Variants in PTPRD observed in about 807,000 individuals in gnomAD.
PTPRD encodes protein tyrosine phosphatase receptor type D.
In PTPRD, 34 loss-of-function variants were observed where a neutral mutation model predicts 214.5. The observed-to-expected ratio is 0.16, with a 90% CI of 0.12 to 0.21. The LOEUF (loss-of-function observed/expected upper bound fraction) is 0.21. Among genes scored for constraint, PTPRD ranks in the 10% least tolerant of loss-of-function variants. The probability of loss-of-function intolerance (pLI) is 1.00; values close to 1 mark genes in which losing one functional copy is unlikely to be tolerated. For synonymous variants in PTPRD, 1,128 were observed against 845.7 expected (o/e 1.33, Z -5.79); for missense variants, 2,545 against 2,398.7 (o/e 1.06, Z -1.27).
intron 6 of PTPRD, among the ~76,000 whole-genome samples, chr9:9,758,622 G>C (rs1007149868): frequency 6.6e-6 from 1 of 152,048 alleles, no homozygotes; most frequent in Non-Finnish European, 1.5e-5. Flanking sequence ...GTTACATATG[G>C]AAGGACTGTG....
intron 10 of PTPRD, among the ~76,000 whole-genome samples, chr9:9,042,614 CTTTTCTTTTTTTTT>C (rs1226502497): frequency 8.9e-6 from 1 of 112,476 alleles, no homozygotes; most frequent in Non-Finnish European, 1.8e-5. Flanking sequence ...TCTTTTTTTT[CTTTTCTTTTTTTTT>C]TTTTTTGGTC....
intron 11 of PTPRD, among the ~76,000 whole-genome samples, chr9:8,825,972 T>C (rs34526017): frequency 1.3e-5 from 2 of 152,202 alleles, no homozygotes; most frequent in Non-Finnish European, 2.9e-5. Context: ...CTGTATTTTG[T>C]ACTGACCTTT....
At chr9:9,738,648 G>T (rs2098344001) in intron 6 of PTPRD, among the ~76,000 whole-genome samples, 1 of 151,726 alleles carries the variant, frequency 6.6e-6, no homozygotes, top group African/African-American at 2.4e-5. Flanking sequence ...CACCATGTTG[G>T]CCAGGCTGGT....
chr9:9,085,540 T>C (rs914259961), intron 10 of PTPRD, among the ~76,000 whole-genome samples: 5 of 152,068 alleles, frequency 3.3e-5, no homozygotes, highest in African/African-American at 9.7e-5. Flanking sequence ...GTTTAGAAAC[T>C]CAGGGCTTTT....
At chr9:10,498,141 C>G (rs1478858274) in intron 2 of PTPRD, among the ~76,000 whole-genome samples, 1 of 151,882 alleles carries the variant, frequency 6.6e-6, no homozygotes, top group Non-Finnish European at 1.5e-5. Context: ...GTTGAACTCC[C>G]TTTAGGATAC....
At chr9:8,622,384 T>C (rs1448238750) in intron 14 of PTPRD, among the ~76,000 whole-genome samples, 1 of 151,998 alleles carries the variant, frequency 6.6e-6, no homozygotes, top group African/African-American at 2.4e-5. Context: ...CAACAAACCT[T>C]ACTGTCATAT....
At chr9:9,173,305 A>C (rs2099922594) in intron 10 of PTPRD, among the ~76,000 whole-genome samples, 1 of 152,112 alleles carries the variant, frequency 6.6e-6, no homozygotes. Context: ...AATAGTGCTG[A>C]TTTCAAGTCT....
chr9:8,732,075 G>A (rs1315180780), intron 12 of PTPRD, among the ~76,000 whole-genome samples: 1 of 152,216 alleles, frequency 6.6e-6, no homozygotes, highest in Non-Finnish European at 1.5e-5. Flanking sequence ...CATAAGAAGT[G>A]TGATGAAGAA....
intron 12 of PTPRD, among the ~76,000 whole-genome samples, chr9:8,706,147 G>T (rs895018706): frequency 6.6e-6 from 1 of 152,014 alleles, no homozygotes; most frequent in Non-Finnish European, 1.5e-5. Flanking sequence ...TTCTCCTCAA[G>T]AGAAACATTA....
intron 3 of PTPRD, among the ~76,000 whole-genome samples, chr9:10,244,601 G>T (rs905358821): frequency 1.4e-4 from 22 of 152,018 alleles, no homozygotes; most frequent in African/African-American, 5.1e-4. Context: ...ATATGAGCCA[G>T]GGAATCATCC....
intron 8 of PTPRD, among the ~76,000 whole-genome samples, chr9:9,547,530 T>A (rs1324206221): frequency 6.6e-6 from 1 of 151,974 alleles, no homozygotes; most frequent in African/African-American, 2.4e-5. Flanking sequence ...TTCAACTGTT[T>A]GAGGACTAAA....
intron 4 of PTPRD, among the ~76,000 whole-genome samples, chr9:9,947,325 TTATATATGTATTATATATATAA>T (rs1254621888): frequency 1.6e-4 from 13 of 82,206 alleles, no homozygotes; most frequent in Non-Finnish European, 4.3e-5. Context: ...ATTATATATA[TTATATATGTATTATATATATAA>T]TATATATTAT....
At chr9:9,674,006 TC>T (rs2096881692) in intron 7 of PTPRD, among the ~76,000 whole-genome samples, 1 of 151,784 alleles carries the variant, frequency 6.6e-6, no homozygotes, top group Admixed American at 6.6e-5. Flanking sequence ...AAGTTTAGTC[TC>T]CCAGATCTTG....
intron 9 of PTPRD, among the ~76,000 whole-genome samples, chr9:9,252,114 T>A (rs2099975720): frequency 6.6e-6 from 1 of 151,984 alleles, no homozygotes; most frequent in Non-Finnish European, 1.5e-5. Flanking sequence ...TGGGGTACTC[T>A]GTTGTAGGGG....
intron 9 of PTPRD, among the ~76,000 whole-genome samples, chr9:9,261,661 T>C (rs1453683199): frequency 6.6e-6 from 1 of 151,474 alleles, no homozygotes; most frequent in Non-Finnish European, 1.5e-5. Context: ...TGTGTGTGTG[T>C]GTGTGTGTGT....
rs553583787 is a variant in PTPRD at position 9,963,921 on chromosome 9, G to T, written c.-471-25311C>A. ...TTCTTATTTACAAATGATTCTACTT[G>T]CTCCATGGAAAATTATGCCTCATTT... On this transcript the variant is annotated intron_variant, in intron 4 of 45. Coordinates refer to ENST00000381196, the MANE Select transcript of PTPRD (RefSeq NM_002839.4). Among the ~76,000 whole-genome samples, 12 of 152,206 alleles carry T rather than the reference G, an allele frequency of 7.9e-5. No homozygotes were observed. In the South Asian group the frequency reaches 2.3e-3, roughly 29 times the overall value.
At chr9:9,187,411 A>G (rs2099932286) in intron 9 of PTPRD, among the ~76,000 whole-genome samples, 1 of 152,092 alleles carries the variant, frequency 6.6e-6, no homozygotes, top group African/African-American at 2.4e-5. Context: ...AGGAAAAAAT[A>G]AGTTTTGAAA....
intron 39 of PTPRD, among the ~76,000 whole-genome samples, chr9:8,355,395 G>A (rs1466988944): frequency 6.7e-6 from 1 of 150,302 alleles, no homozygotes; most frequent in African/African-American, 2.4e-5. Context: ...ATTTATGTCA[G>A]CTCTATCTCT....
chr9:8,930,001 T>C (rs539582115), intron 11 of PTPRD, among the ~76,000 whole-genome samples: 11 of 151,406 alleles, frequency 7.3e-5, no homozygotes, highest in Non-Finnish European at 1.6e-4. Flanking sequence ...AGGATACATG[T>C]GCACAACGTG....
Sources: gnomAD v4.1 joint callset for allele counts (sites outside exome capture counted in the v4.1 genomes callset) on GRCh38, gnomAD v4.1.1 for gene constraint, MANE v1.5 for transcripts, NCBI Gene and HGNC (gene_info 2026-07-23, HGNC 2026-07-21) for gene names.